PATZ1: variants seen among roughly 807,000 people sequenced by gnomAD.
PATZ1 encodes POZ/BTB and AT hook containing zinc finger 1.
Under a neutral mutation model 46.2 loss-of-function variants are expected in PATZ1, and 9 were observed. That is an observed-to-expected ratio of 0.19 (90% CI 0.12 to 0.34). The LOEUF (loss-of-function observed/expected upper bound fraction) is 0.34, where lower values mean the gene tolerates loss of function less well. Ranked by LOEUF, PATZ1 falls within the 10% of genes least tolerant of loss-of-function variation. The pLI is 1.00. For synonymous variants in PATZ1, 426 were observed against 378.6 expected (o/e 1.13, Z -1.45); for missense variants, 632 against 923.0 (o/e 0.68, Z 4.08).
At chr22:31,334,699 T>C (rs951685092) in intron 3 of PATZ1, among the ~76,000 whole-genome samples, 5 of 152,056 alleles carry the variant, frequency 3.3e-5, no homozygotes, top group Non-Finnish European at 7.4e-5. Flanking sequence ...CTTAACCCCA[T>C]TTGAGAGATG....
intron 3 of PATZ1, among the ~76,000 whole-genome samples, chr22:31,333,714 G>A (rs1319041806): frequency 3.3e-5 from 5 of 152,120 alleles, no homozygotes; most frequent in Admixed American, 1.3e-4. Context: ...TGGCTTTTCT[G>A]AGAAAAAGTA....
At chr22:31,341,636 AG>A in intron 2 of PATZ1, 1 of 1,614,006 alleles carries the variant, frequency 6.2e-7, no homozygotes, top group South Asian at 1.1e-5. Context: ...GCAGGTCGCT[AG>A]GAAGAGGTTC....
chr22:31,343,354 A>C, intron 1 of PATZ1: 1 of 990,276 alleles, frequency 1.0e-6, no homozygotes, highest in Non-Finnish European at 1.2e-6. Context: ...AAACTCAGCA[A>C]TCCCCTCCCC....
At chr22:31,343,322 T>C (rs2049606839) in intron 1 of PATZ1, 4 of 1,018,934 alleles carry the variant, frequency 3.9e-6, no homozygotes, top group Admixed American at 5.7e-5. Flanking sequence ...TGTGATTCAT[T>C]GTCCAGACTA....
Position 31,326,801 on chromosome 22 carries a change from C to T in PATZ1, c.*90G>A. The T allele has an allele frequency of 8.4e-7, 1 of 1,185,096 alleles. No individual in the cohort carries two copies. Among genetic ancestry groups the T allele is most frequent in the East Asian group, 2.5e-5 (1 of 40,008 alleles). 73.4% of individuals were successfully genotyped at this position (1,185,096 alleles called of 1,614,324 possible). A position where few individuals can be genotyped will look rare whatever the true frequency, so the allele number is the denominator to read the frequency against. On this transcript the variant is annotated 3_prime_UTR_variant, in exon 5 of 5. Transcript: ENST00000266269. The stretch of plus-strand genomic sequence containing the variant: ...TTAAAAATGAATAAAAATCTCTCAG[C>T]TACAGAACCCAAACATCACTTCCCT...
At chr22:31,342,800 G>T (rs1366829990) in intron 2 of PATZ1, 97 bp downstream of exon 2, 44 of 1,372,492 alleles carry the variant, frequency 3.2e-5, no homozygotes, top group Admixed American at 2.3e-4. Context: ...TGGGCGGTCA[G>T]CCGGGCCCCC....
chr22:31,345,108 T>A lies in PATZ1; in HGVS notation c.495A>T (p.Val165=). 1 of 1,614,036 alleles carries A rather than the reference T, an allele frequency of 6.2e-7. No homozygotes were observed. Among genetic ancestry groups the A allele is most frequent in the East Asian group, 2.2e-5 (1 of 44,874 alleles). Reference sequence around the variant, plus strand: ...GCATTATATCGGCGCGGGCAGGGGGTACCAGGATCTGTACGTTGGACTGTT... The same window carrying A: ...GCATTATATCGGCGCGGGCAGGGGGAACCAGGATCTGTACGTTGGACTGTT... ...VIKQSNVQIL[V]PPARADIMLF... is the part of the protein sequence containing the mutation. The change falls in exon 1 of 5, where the codon GTA becomes GTT. Residue 165 remains valine (V), a synonymous_variant. Coordinates refer to ENST00000266269, the MANE Select transcript of PATZ1 (RefSeq NM_014323.3). This position sits in a 1 kb window ranked among gnomAD's most constrained non-coding sequence, Gnocchi z 7.4.
intron 2 of PATZ1, chr22:31,341,826 C>CAG (rs1048587499): frequency 1.4e-6 from 1 of 731,342 alleles, no homozygotes; most frequent in Non-Finnish European, 2.2e-6. Flanking sequence ...GAATCAGAGA[C>CAG]AGAGAGAGAG....
rs1365539466 is a variant in PATZ1, at chr22:31,335,694, C to T, written c.1505G>A (p.Arg502Gln). 2.5e-6 allele frequency: 4 copies of T among 1,613,396 alleles called. No individual in the cohort carries two copies. The East Asian group carries it at 6.7e-5, about 27-fold the overall frequency. The change falls in exon 3 of 5, where the codon CGA becomes CAA. Residue 502 changes from arginine to glutamine, a missense_variant and splice_region_variant. Transcript: ENST00000266269. Reference protein sequence around the residue: ...GPSNFCSICNRGFSSASYLKV... With the variant: ...GPSNFCSICNQGFSSASYLKV... ...TGAGGAAACAGTGGGCAGATTACCT[C>T]GGTTACAGATACTGCAGAAGTTGCT...
chr22:31,343,400 C>T, intron 1 of PATZ1: 2 of 988,418 alleles, frequency 2.0e-6, no homozygotes, highest in Non-Finnish European at 2.4e-6. Context: ...ATGAATGCCA[C>T]CCGGATGGAA....
intron 2 of PATZ1, chr22:31,341,171 G>A: frequency 1.6e-6 from 2 of 1,228,278 alleles, no homozygotes; most frequent in Non-Finnish European, 2.0e-6. Flanking sequence ...GTGAAAGGGG[G>A]GAAAAGGCAA....
At chr22:31,340,334 G>A (rs537663716) in intron 2 of PATZ1, among the ~76,000 whole-genome samples, 130 of 152,322 alleles carry the variant, frequency 8.5e-4, no homozygotes, top group Middle Eastern at 3.4e-3. Flanking sequence ...GGGGATGAGC[G>A]ATACGGACTG....
At chr22:31,342,830 T>TCAAGGCTGCGAC in intron 2 of PATZ1, 67 bp downstream of exon 2, 1 of 1,572,572 alleles carries the variant, frequency 6.4e-7, no homozygotes, top group Non-Finnish European at 8.7e-7. Flanking sequence ...AGCGGCTGGC[T>TCAAGGCTGCGAC]CAAGGCTGCG....
At chr22:31,341,508 T>C (rs746816853) in intron 2 of PATZ1, 4 of 1,612,706 alleles carry the variant, frequency 2.5e-6, no homozygotes, top group Admixed American at 3.3e-5. Context: ...GTTGCTGGAG[T>C]GTGCTGGGCC....
intron 2 of PATZ1, among the ~76,000 whole-genome samples, chr22:31,337,074 C>T (rs533047707): frequency 6.6e-6 from 1 of 152,090 alleles, no homozygotes; most frequent in South Asian, 2.1e-4. Context: ...CACACCACTG[C>T]ACTCCAGCCT....
rs755781961 is a variant in PATZ1, at chr22:31,345,340, CCTACAT to C, written c.257_262del (p.Asp86_Val87del). The stretch of plus-strand genomic sequence containing the variant: ...GCCGCCTGGTGCTGCCGTCGCGCCC[CCTACAT>C]CAGCCGGACCCCCGTCCGCAGCTCC... On this transcript the variant is annotated inframe_deletion, in exon 1 of 5. Transcript: ENST00000266269. This position sits in a 1 kb window ranked among gnomAD's most constrained non-coding sequence, Gnocchi z 7.4. The C allele has an allele frequency of 1.3e-4, 211 of 1,608,606 alleles. No individual in the cohort carries two copies. Among genetic ancestry groups the C allele is most frequent in the Non-Finnish European group, 1.8e-4 (208 of 1,176,866 alleles).
intron 2 of PATZ1, among the ~76,000 whole-genome samples, chr22:31,336,949 A>G (rs982689207): frequency 6.6e-6 from 1 of 151,830 alleles, no homozygotes; most frequent in African/African-American, 2.4e-5. Context: ...CTCTACTAAA[A>G]ACACAAAAAA....
rs1027560624 is a variant in PATZ1, at chr22:31,342,511, C to T, written c.1335+386G>A. Among the ~76,000 whole-genome samples, 15 of 152,256 alleles carry T rather than the reference C, an allele frequency of 9.9e-5. No individual in the cohort carries two copies. The East Asian group carries it at 2.9e-3, about 29-fold the overall frequency. On this transcript the variant is annotated intron_variant, in intron 2 of 4. Coordinates refer to ENST00000266269, the MANE Select transcript of PATZ1 (RefSeq NM_014323.3). Reference sequence around the variant, plus strand: ...ACCACCAGGAGCCCTTTTAAAAAAACCTGCAGTCCCTACAAACTGCTGGAA... The same window carrying T: ...ACCACCAGGAGCCCTTTTAAAAAAATCTGCAGTCCCTACAAACTGCTGGAA...
chr22:31,343,162 A>T, intron 1 of PATZ1: 2 of 1,308,320 alleles, frequency 1.5e-6, no homozygotes, highest in South Asian at 3.8e-5. Flanking sequence ...TTTTCTCTGG[A>T]GGGGGGAAGA....
Sources: allele counts gnomAD v4.1 joint callset (sites outside exome capture counted in the v4.1 genomes callset), GRCh38; gene constraint gnomAD v4.1.1; non-coding constraint Gnocchi (gnomAD v3.1); transcripts MANE v1.5; gene names NCBI Gene and HGNC (gene_info 2026-07-23, HGNC 2026-07-21).